The following WWOX variants were observed in gnomAD, a reference collection of about 807,000 sequenced individuals.
WWOX encodes the protein WW domain containing oxidoreductase.
In WWOX, 69 loss-of-function variants were observed where a neutral mutation model predicts 46.2. That is an observed-to-expected ratio of 1.49 (90% CI 1.23 to 1.82). WWOX has a LOEUF of 1.82. WWOX is among the 40% of genes most tolerant of loss of function. The pLI is 0.00. For missense variants in WWOX, 919 were observed against 542.6 expected, an observed-to-expected ratio of 1.69 and a Z score of -6.89; for synonymous variants, 359 against 202.6, an observed-to-expected ratio of 1.77 and a Z score of -6.56.
At chr16:79,153,695 A>G (rs1042064820) in intron 8 of WWOX, among the ~76,000 whole-genome samples, 2 of 152,148 alleles carry the variant, frequency 1.3e-5, no homozygotes, top group African/African-American at 4.8e-5. Flanking sequence ...ATACTTTTCT[A>G]TTCCTCCCAG....
At chr16:78,128,776 A>G (rs2151693429) in intron 4 of WWOX, among the ~76,000 whole-genome samples, 1 of 151,638 alleles carries the variant, frequency 6.6e-6, no homozygotes, top group South Asian at 2.1e-4. Context: ...TGTATCTTGC[A>G]ATATAATGTC....
intron 8 of WWOX, among the ~76,000 whole-genome samples, chr16:78,704,777 C>G (rs897424336): frequency 3.9e-5 from 6 of 152,128 alleles, no homozygotes; most frequent in Non-Finnish European, 4.4e-5. Flanking sequence ...TCCTTTCTTT[C>G]AGGCAAGACA....
intron 8 of WWOX, among the ~76,000 whole-genome samples, chr16:79,017,659 A>G (rs2047445329): frequency 6.6e-6 from 1 of 152,118 alleles, no homozygotes; most frequent in Non-Finnish European, 1.5e-5. Flanking sequence ...GTTTATTTAT[A>G]GACACTGAAA....
intron 8 of WWOX, among the ~76,000 whole-genome samples, chr16:78,597,228 A>T (rs181705772): frequency 6.6e-6 from 1 of 152,228 alleles, no homozygotes; most frequent in Non-Finnish European, 1.5e-5. Context: ...GGAAGTCCAT[A>T]GGTGCTGTTT....
At chr16:78,503,651 GCAAA>G (rs981694764) in intron 8 of WWOX, 1 of 152,074 alleles carries the variant, frequency 6.6e-6, no homozygotes, top group African/African-American at 2.4e-5. Flanking sequence ...TTCACAAGGT[GCAAA>G]CACTTACATG....
chr16:78,182,254 C>T (rs899996274), intron 5 of WWOX, among the ~76,000 whole-genome samples: 2 of 152,086 alleles, frequency 1.3e-5, no homozygotes, highest in African/African-American at 2.4e-5. Context: ...TGATGGTACC[C>T]GAGTACTTGC....
At chr16:79,177,991 G>T (rs1257546422) in intron 8 of WWOX, among the ~76,000 whole-genome samples, 1 of 152,172 alleles carries the variant, frequency 6.6e-6, no homozygotes, top group Non-Finnish European at 1.5e-5. Flanking sequence ...CATAGATGAT[G>T]ACTTCTTGCT....
At position 79,009,571 on chromosome 16, in the gene WWOX, G is replaced by T. The variant is rs146391888; in HGVS notation, c.1057-202037G>T. 2.1e-4 allele frequency among the ~76,000 whole-genome samples: 32 copies of T among 152,134 alleles called. No homozygotes were observed. The East Asian group carries it at 5.8e-3, about 28-fold the overall frequency. The stretch of plus-strand genomic sequence containing the variant: ...TAACCTCTGCCTCCTGGGTTCAAGC[G>T]ATTCTCCTGCCTCAGCCCATAGGCA... On this transcript the variant is annotated intron_variant, in intron 8 of 8. Transcript: ENST00000566780.
intron 8 of WWOX, among the ~76,000 whole-genome samples, chr16:78,723,015 C>T (rs906177103): frequency 2.0e-5 from 3 of 152,066 alleles, no homozygotes; most frequent in Non-Finnish European, 4.4e-5. Context: ...GCACTCCAGC[C>T]TGGGTGACAG....
chr16:79,033,754 C>T (rs2047812013), intron 8 of WWOX, among the ~76,000 whole-genome samples: 3 of 152,232 alleles, frequency 2.0e-5, no homozygotes, highest in African/African-American at 7.2e-5. Context: ...CCACCATTCT[C>T]CCCTACTTTG....
At chr16:79,025,300 G>T (rs1282834772) in intron 8 of WWOX, among the ~76,000 whole-genome samples, 5 of 152,170 alleles carry the variant, frequency 3.3e-5, no homozygotes, top group South Asian at 2.1e-4. Flanking sequence ...AGCCCTTTGG[G>T]TTCGATTTAG....
chr16:78,328,023 G>T (rs1468955151), intron 5 of WWOX, among the ~76,000 whole-genome samples: 1 of 151,884 alleles, frequency 6.6e-6, no homozygotes, highest in African/African-American at 2.4e-5. Flanking sequence ...TTATGGGTTT[G>T]TACCACCTTG....
At chr16:78,315,585 G>T (rs1284799597) in intron 5 of WWOX, among the ~76,000 whole-genome samples, 3 of 152,174 alleles carry the variant, frequency 2.0e-5, no homozygotes, top group Admixed American at 6.5e-5. Flanking sequence ...GGGAAGCAGA[G>T]GTTGTAGTGA....
At chr16:78,120,526 C>T (rs979362826) in intron 4 of WWOX, among the ~76,000 whole-genome samples, 13 of 151,140 alleles carry the variant, frequency 8.6e-5, no homozygotes, top group African/African-American at 3.2e-4. Flanking sequence ...GCTGAGATTG[C>T]GCCACTGCAG....
intron 6 of WWOX, among the ~76,000 whole-genome samples, chr16:78,401,161 A>G (rs2082403781): frequency 6.6e-6 from 1 of 152,220 alleles, no homozygotes; most frequent in African/African-American, 2.4e-5. Flanking sequence ...TTCCATAGGA[A>G]AAATGTTAAA....
intron 8 of WWOX, among the ~76,000 whole-genome samples, chr16:79,133,713 G>T (rs375502537): frequency 6.6e-6 from 1 of 152,194 alleles, no homozygotes; most frequent in African/African-American, 2.4e-5. Context: ...TTAAAAGCCA[G>T]CAAGTGTTCT....
rs569114464 is a variant in WWOX at position 78,126,204 on chromosome 16, G to T, written c.409+11050G>T. Among the ~76,000 whole-genome samples, 6 of 152,256 alleles carry T rather than the reference G, an allele frequency of 3.9e-5. No individual in the cohort carries two copies. The East Asian group carries it at 9.7e-4, about 25-fold the overall frequency. On this transcript the variant is annotated intron_variant, in intron 4 of 8. Coordinates refer to ENST00000566780, the MANE Select transcript of WWOX (RefSeq NM_016373.4). ...TTTTTAATAGCTGTGGAATGGAGAAGCACATTTTGTAATTAAATGTTTGTA... is the reference window on the plus strand; with the variant it reads ...TTTTTAATAGCTGTGGAATGGAGAATCACATTTTGTAATTAAATGTTTGTA...
chr16:78,871,986 C>G (rs970257414), intron 8 of WWOX, among the ~76,000 whole-genome samples: 1 of 152,200 alleles, frequency 6.6e-6, no homozygotes, highest in African/African-American at 2.4e-5. Flanking sequence ...TGCAGACCCT[C>G]TCAGATGCCA....
intron 5 of WWOX, among the ~76,000 whole-genome samples, chr16:78,255,058 G>T (rs897613668): frequency 1.3e-5 from 2 of 152,190 alleles, no homozygotes; most frequent in African/African-American, 4.8e-5. Context: ...GCCACCCATG[G>T]CTTCCCCTTT....
Sources: allele counts gnomAD v4.1 joint callset (sites outside exome capture counted in the v4.1 genomes callset), GRCh38; gene constraint gnomAD v4.1.1; transcripts MANE v1.5; gene names NCBI Gene and HGNC (gene_info 2026-07-23, HGNC 2026-07-21).